Variants in MTNR1B observed in about 807,000 individuals in gnomAD.
MTNR1B encodes melatonin receptor type 1B.
MTNR1B carries 7 observed loss-of-function variants against 7.0 expected under a neutral mutation model. The ratio of observed to expected loss-of-function variants is 1.00; its 90% confidence interval spans 0.57 to 1.88. MTNR1B has a LOEUF of 1.88. MTNR1B is among the 40% of genes most tolerant of loss of function. The probability of loss-of-function intolerance (pLI) is 0.00; values close to 1 mark genes in which losing one functional copy is unlikely to be tolerated. For synonymous variants in MTNR1B, 226 were observed against 208.2 expected, an observed-to-expected ratio of 1.09 and a Z score of -0.74; for missense variants, 478 against 486.5, an observed-to-expected ratio of 0.98 and a Z score of 0.16.
In MTNR1B at chr11:92,969,891, G is replaced by A. The variant is rs148309052; in HGVS notation, c.166G>A (p.Val56Met). Residue 56 changes from valine (V) to methionine (M), a missense_variant, in exon 1 of 2, where the codon GTG becomes ATG. Val to Met is a conservative substitution (Grantham distance 21, BLOSUM62 1). Coordinates refer to ENST00000257068, the MANE Select transcript of MTNR1B (RefSeq NM_005959.5). ...VLIVTTAVDVVGNLLVILSVL... is the reference protein window; with the variant it reads ...VLIVTTAVDVMGNLLVILSVL... ...CATCGTCACCACCGCCGTGGACGTCGTGGGCAACCTCCTGGTGATCCTCTC... is the reference window on the plus strand; with the variant it reads ...CATCGTCACCACCGCCGTGGACGTCATGGGCAACCTCCTGGTGATCCTCTC... The A allele has an allele frequency of 5.2e-5, 84 of 1,612,148 alleles. No individual in the cohort carries two copies. The highest frequency in any genetic ancestry group is 7.0e-5 in the Non-Finnish European group (83 of 1,179,626).
chr11:92,974,715 G>A lies in MTNR1B; in HGVS notation c.223+4767G>A, dbSNP rs573464257. On this transcript the variant is annotated intron_variant, in intron 1 of 1. Transcript: ENST00000257068. ...CCCCTGGGGTTCATGCCATTCTCTT[G>A]CCTCAGCCTCCCGAGTAGCTGGGAC... 2.6e-5 allele frequency among the ~76,000 whole-genome samples: 4 copies of A among 151,990 alleles called. 1 individual carries two copies. The South Asian group carries it at 6.3e-4, about 24-fold the overall frequency.
intron 1 of MTNR1B, among the ~76,000 whole-genome samples, chr11:92,978,234 T>A (rs1858042622): frequency 1.3e-5 from 2 of 152,212 alleles, no homozygotes; most frequent in African/African-American, 4.8e-5. Flanking sequence ...TGGCTGGCTC[T>A]TTCCTAGATT....
chr11:92,982,947 C>CCCACACA (rs749633184), downstream of MTNR1B, among the ~76,000 whole-genome samples: 1 of 66,322 alleles, frequency 1.5e-5, no homozygotes, highest in Admixed American at 2.1e-4. Context: ...CCCCCCCCCC[C>CCCACACA]CACACACACA....
In MTNR1B at chr11:92,982,237, G is replaced by T. The variant is rs770769381; in HGVS notation, c.1014G>T (p.Lys338Asn). Residue 338 changes from lysine (K) to asparagine (N), a missense_variant, in exon 2 of 2, where the codon AAG (lysine) becomes AAT (asparagine). Lys to Asn is a moderately conservative substitution (Grantham distance 94). Transcript: ENST00000257068. ...NPRHCIQDAS[K>N]GSHAEGLQSP... ...GGCACTGCATTCAAGATGCTTCCAA[G>T]GGCAGCCACGCGGAGGGGCTGCAGA... is the stretch of plus-strand genomic sequence containing the variant. 1.2e-5 allele frequency: 20 copies of T among 1,614,086 alleles called. No homozygotes were observed. Among genetic ancestry groups the T allele is most frequent in the Middle Eastern group, 1.6e-4 (1 of 6,084 alleles).
At chr11:92,975,804 G>A (rs1027110935) in intron 1 of MTNR1B, among the ~76,000 whole-genome samples, 2 of 152,152 alleles carry the variant, frequency 1.3e-5, no homozygotes, top group Non-Finnish European at 2.9e-5. Context: ...ATGAAGTGGA[G>A]CCCACTCCAT....
chr11:92,978,227 C>G (rs761281313), intron 1 of MTNR1B, among the ~76,000 whole-genome samples: 1 of 152,214 alleles, frequency 6.6e-6, no homozygotes, highest in Non-Finnish European at 1.5e-5. Flanking sequence ...TCAGCACTGG[C>G]TGGCTCTTTC....
chr11:92,970,344 C>T (rs924292752), intron 1 of MTNR1B, among the ~76,000 whole-genome samples: 2 of 152,172 alleles, frequency 1.3e-5, no homozygotes, highest in African/African-American at 4.8e-5. Context: ...CCTTCCTTGC[C>T]AAGCACTGTA....
chr11:92,981,087 G>C (rs185885358), intron 1 of MTNR1B, among the ~76,000 whole-genome samples: 1 of 152,200 alleles, frequency 6.6e-6, no homozygotes, highest in Non-Finnish European at 1.5e-5. Context: ...CTTTGCTGGA[G>C]CTTAAATGGT....
chr11:92,982,165 C>T lies in MTNR1B; in HGVS notation c.942C>T (p.Asn314=), dbSNP rs762754386. The change falls in exon 2 of 2, where the codon AAC becomes AAT. Residue 314 remains asparagine (N), a synonymous_variant. Coordinates refer to ENST00000257068, the MANE Select transcript of MTNR1B (RefSeq NM_005959.5). ...NAIVYGLLNQ[N]FRREYKRILL... ...TTGTCTATGGGCTCTTGAACCAAAA[C>T]TTCCGCAGGGAATACAAGAGGATCC... 2.4e-5 allele frequency: 39 copies of T among 1,614,230 alleles called. No individual in the cohort carries two copies. The highest frequency in any genetic ancestry group is 3.2e-5 in the Non-Finnish European group (38 of 1,180,046).
intron 1 of MTNR1B, among the ~76,000 whole-genome samples, chr11:92,971,587 T>C (rs1160366630): frequency 1.3e-5 from 2 of 152,302 alleles, no homozygotes; most frequent in South Asian, 2.1e-4. Context: ...AAATGGGTCC[T>C]CCTGGTTCTG....
intron 1 of MTNR1B, among the ~76,000 whole-genome samples, chr11:92,977,561 C>T (rs1180517565): frequency 2.0e-5 from 3 of 152,130 alleles, no homozygotes; most frequent in Admixed American, 6.5e-5. Context: ...TTTTGTGTAG[C>T]TCCTTGGTGA....
At chr11:92,984,429 C>T (rs951665203), downstream of MTNR1B, among the ~76,000 whole-genome samples, 1 of 149,472 alleles carries the variant, frequency 6.7e-6, no homozygotes, top group African/African-American at 2.5e-5. Context: ...TCAGTCCACA[C>T]CTCAGTCCCA....
chr11:92,978,665 A>C (rs1443751927), intron 1 of MTNR1B, among the ~76,000 whole-genome samples: 1 of 152,228 alleles, frequency 6.6e-6, no homozygotes, highest in Non-Finnish European at 1.5e-5. Context: ...GCCTGGAGAC[A>C]GTGGGATGTC....
chr11:92,969,890 C>A lies in MTNR1B; in HGVS notation c.165C>A (p.Val55=). The A allele has an allele frequency of 6.2e-7, 1 of 1,612,428 alleles. No homozygotes were observed. Among genetic ancestry groups the A allele is most frequent in the South Asian group, 1.1e-5 (1 of 90,612 alleles). Reference sequence around the variant, plus strand: ...TCATCGTCACCACCGCCGTGGACGTCGTGGGCAACCTCCTGGTGATCCTCT... The same window carrying A: ...TCATCGTCACCACCGCCGTGGACGTAGTGGGCAACCTCCTGGTGATCCTCT... ...AVLIVTTAVD[V]VGNLLVILSV... is the part of the protein sequence containing the mutation. The change falls in exon 1 of 2, where the codon GTC becomes GTA. Residue 55 remains valine (V), a synonymous_variant. Transcript: ENST00000257068.
chr11:92,977,488 C>A (rs1341370468), intron 1 of MTNR1B, among the ~76,000 whole-genome samples: 1 of 152,204 alleles, frequency 6.6e-6, no homozygotes, highest in Non-Finnish European at 1.5e-5. Context: ...TCCCATACAA[C>A]ATCTTATTTG....
At position 92,969,811 on chromosome 11, in the gene MTNR1B, GGC is replaced by G. The variant is rs769137732; in HGVS notation, c.87_88del (p.Pro30LeufsTer46). The G allele has an allele frequency of 1.3e-6, 2 of 1,569,048 alleles. No individual in the cohort carries two copies. Among genetic ancestry groups the G allele is most frequent in the African/African-American group, 2.8e-5 (2 of 72,416 alleles). On this transcript the variant is annotated frameshift_variant, in exon 1 of 2. Coordinates refer to ENST00000257068, the MANE Select transcript of MTNR1B (RefSeq NM_005959.5). LOFTEE classifies it high-confidence loss of function. ...GGCTGGTCGGGGGCTGGCAGCGCGC[GGC>G]CCTCCAGGACCCCTCGACCTCCCTG...
chr11:92,982,673 T>C lies in MTNR1B; in HGVS notation c.*361T>C. On this transcript the variant is annotated 3_prime_UTR_variant, in exon 2 of 2. Coordinates refer to ENST00000257068, the MANE Select transcript of MTNR1B (RefSeq NM_005959.5). ...TGGCCTCCTGGCTGCTTTCTCCCCT[T>C]CCCCCCAGCGTGGCAGGATCTCTTC... is the stretch of plus-strand genomic sequence containing the variant. 1.1e-5 allele frequency: 3 copies of C among 272,918 alleles called. No individual in the cohort carries two copies. The highest frequency in any genetic ancestry group is 2.1e-5 in the Non-Finnish European group (3 of 145,222). The allele number at this position is 272,918 out of a possible 1,614,324, so 16.9% of individuals were successfully genotyped here.
chr11:92,976,548 T>C (rs1858011472), intron 1 of MTNR1B, among the ~76,000 whole-genome samples: 1 of 152,188 alleles, frequency 6.6e-6, no homozygotes, highest in South Asian at 2.1e-4. Context: ...CACTGTCCCC[T>C]ATCAAAGGGA....
In MTNR1B at chr11:92,970,127, C is replaced by G. The variant is rs575328902; in HGVS notation, c.223+179C>G. 3.9e-5 allele frequency among the ~76,000 whole-genome samples: 6 copies of G among 152,310 alleles called. No homozygotes were observed. In the South Asian group the frequency reaches 1.2e-3, roughly 32 times the overall value. ...CTCAAAAGTTAGGGTGAGTTTTGCCCCTCCGAAGTGCGGCTGCCCAGGACG... is the reference window on the plus strand; with the variant it reads ...CTCAAAAGTTAGGGTGAGTTTTGCCGCTCCGAAGTGCGGCTGCCCAGGACG... On this transcript the variant is annotated intron_variant, in intron 1 of 1. Coordinates refer to ENST00000257068, the MANE Select transcript of MTNR1B (RefSeq NM_005959.5).
Sources: gnomAD v4.1 joint callset for allele counts (sites outside exome capture counted in the v4.1 genomes callset) on GRCh38, gnomAD v4.1.1 for gene constraint, MANE v1.5 for transcripts, NCBI Gene and HGNC (gene_info 2026-07-23, HGNC 2026-07-21) for gene names.